MICAL2: variants seen among roughly 807,000 people sequenced by gnomAD.
MICAL2 encodes the protein [F-actin]-monooxygenase MICAL2.
A neutral mutation model predicts 127.3 loss-of-function variants in MICAL2; 77 were observed. That is an observed-to-expected ratio of 0.60 (90% CI 0.50 to 0.73). MICAL2 has a LOEUF of 0.73. Ranked by LOEUF, MICAL2 falls within the 30% of genes least tolerant of loss-of-function variation. The pLI is 0.00. For missense variants in MICAL2, 1,351 were observed against 1,434.4 expected, an observed-to-expected ratio of 0.94 and a Z score of 0.94; for synonymous variants, 570 against 551.1, an observed-to-expected ratio of 1.03 and a Z score of -0.48.
At chr11:12,121,585 AAG>A (rs146891148) in intron 1 of MICAL2, 8,056 of 152,342 alleles carry the variant, frequency 0.053, 276 homozygotes, top group South Asian at 0.098. Flanking sequence ...TCTCTAGTTG[AAG>A]AGAGAGTTTG....
At position 12,206,126 on chromosome 11, in the gene MICAL2, G is replaced by A. The variant is rs114811344; in HGVS notation, c.472+1669G>A. Among the ~76,000 whole-genome samples the A allele has an allele frequency of 4.2e-3, 632 of 152,284 alleles. 4 individuals are homozygous for A. The highest frequency in any genetic ancestry group is 0.015 in the African/African-American group (604 of 41,550). On this transcript the variant is annotated intron_variant, in intron 4 of 27. Coordinates refer to ENST00000683283, the MANE Select transcript of MICAL2 (RefSeq NM_001282663.2). Reference sequence around the variant, plus strand: ...GCTGCAGTGTCAGCTTTCAAGATGTGCTCTCCCGCCTATGGAAGAATGTAT... The same window carrying A: ...GCTGCAGTGTCAGCTTTCAAGATGTACTCTCCCGCCTATGGAAGAATGTAT...
intron 11 of MICAL2, 78 bp from the exon 12 acceptor site, chr11:12,223,325 TGAATTGGG>T (rs1565193859): frequency 8.4e-7 from 1 of 1,186,882 alleles, no homozygotes; most frequent in African/African-American, 1.5e-5. Flanking sequence ...TGGCAGGCAC[TGAATTGGG>T]GGTGGGTCGA....
In MICAL2 at chr11:12,255,981, C is replaced by T. The variant is rs73420323; in HGVS notation, c.2955+231C>T. The T allele has an allele frequency of 4.2e-3, 1,998 of 478,230 alleles. 32 individuals carry two copies. Among genetic ancestry groups the T allele is most frequent in the African/African-American group, 0.034 (1,771 of 52,314 alleles). The allele number at this position is 478,230 out of a possible 1,614,324, so 29.6% of individuals were successfully genotyped here. ...GGTCTTTTTGAAAATAGAGATCTTCCTGCTCTCTGTGGCTTTGGAGAACGG... is the reference window on the plus strand; with the variant it reads ...GGTCTTTTTGAAAATAGAGATCTTCTTGCTCTCTGTGGCTTTGGAGAACGG... On this transcript the variant is annotated intron_variant, in intron 23 of 27. Coordinates refer to ENST00000683283, the MANE Select transcript of MICAL2 (RefSeq NM_001282663.2).
chr11:12,219,917 C>T (rs1049990034), intron 8 of MICAL2, among the ~76,000 whole-genome samples: 4 of 152,226 alleles, frequency 2.6e-5, no homozygotes, highest in Non-Finnish European at 2.9e-5. Flanking sequence ...GGAATTTCTA[C>T]GCTTCCTTCT....
At chr11:12,355,026 C>A (rs1939109851) in intron 34 of MICAL2, among the ~76,000 whole-genome samples, 1 of 152,234 alleles carries the variant, frequency 6.6e-6, no homozygotes, top group African/African-American at 2.4e-5. Flanking sequence ...CCCATTTAGC[C>A]TCATTCACTT....
chr11:12,358,284 T>G, intron 34 of MICAL2: 1 of 1,611,344 alleles, frequency 6.2e-7, no homozygotes. Context: ...GGTTTTCTTT[T>G]TTTTCTTTAG....
intron 3 of MICAL2, among the ~76,000 whole-genome samples, chr11:12,175,453 G>A (rs1856732055): frequency 6.6e-6 from 1 of 152,134 alleles, no homozygotes; most frequent in Non-Finnish European, 1.5e-5. Flanking sequence ...TCCAGCCCGG[G>A]CAACAGAGCA....
intron 31 of MICAL2, among the ~76,000 whole-genome samples, chr11:12,325,813 A>G (rs888449551): frequency 6.6e-6 from 1 of 152,238 alleles, no homozygotes; most frequent in African/African-American, 2.4e-5. Context: ...TTGGGGTGGG[A>G]CACAATTTAG....
intron 11 of MICAL2, 90 bp from the exon 12 acceptor site, chr11:12,223,321 G>C: frequency 4.5e-6 from 5 of 1,101,434 alleles, no homozygotes; most frequent in Non-Finnish European, 6.9e-6. Flanking sequence ...ATGGTGGCAG[G>C]CACTGAATTG....
intron 3 of MICAL2, among the ~76,000 whole-genome samples, chr11:12,176,814 CT>C (rs1856893101): frequency 6.6e-6 from 1 of 152,148 alleles, no homozygotes; most frequent in Non-Finnish European, 1.5e-5. Context: ...GAATTTCCTT[CT>C]TTTTTATGGC....
intron 33 of MICAL2, among the ~76,000 whole-genome samples, chr11:12,350,394 C>T (rs1465888209): frequency 6.6e-6 from 1 of 152,194 alleles, no homozygotes; most frequent in African/African-American, 2.4e-5. Flanking sequence ...AATGCAGTTG[C>T]AGCCTCGTTG....
Position 12,196,308 on chromosome 11 carries a change from A to C in MICAL2, c.265-7942A>C, listed in dbSNP as rs952352982. The C allele has an allele frequency of 3.9e-5, 6 of 152,644 alleles. 1 individual carries two copies. The East Asian group carries it at 5.8e-4, about 15-fold the overall frequency. The allele number at this position is 152,644 out of a possible 1,614,324, so 9.5% of individuals were successfully genotyped here. ...TGATGGGGGAGAAGCAGGTTTTTGC[A>C]GGGAGGGAATAAGAGTTCAGTTGTA... is the stretch of plus-strand genomic sequence containing the variant. On this transcript the variant is annotated intron_variant, in intron 3 of 27. Transcript: ENST00000683283.
downstream of MICAL2, among the ~76,000 whole-genome samples, chr11:12,264,806 ATG>A (rs377252699): frequency 1.3e-5 from 2 of 152,108 alleles, no homozygotes; most frequent in African/African-American, 4.8e-5. Context: ...TCATTCCTTT[ATG>A]CATTCATTTA....
chr11:12,155,469 T>C (rs1854075164), intron 2 of MICAL2, among the ~76,000 whole-genome samples: 1 of 152,102 alleles, frequency 6.6e-6, no homozygotes, highest in Non-Finnish European at 1.5e-5. Context: ...CACATACATG[T>C]ACACATGTAT....
intron 3 of MICAL2, among the ~76,000 whole-genome samples, chr11:12,196,839 C>T (rs957551533): frequency 3.3e-5 from 5 of 152,138 alleles, no homozygotes; most frequent in Admixed American, 3.3e-4. Context: ...CTGGTTTCAC[C>T]TTCCCCACCA....
chr11:12,194,978 TG>T (rs1365165520), intron 3 of MICAL2, among the ~76,000 whole-genome samples: 1 of 152,232 alleles, frequency 6.6e-6, no homozygotes, highest in Non-Finnish European at 1.5e-5. Flanking sequence ...ACCTTAAACC[TG>T]GGCCAGACAC....
chr11:12,324,317 G>C (rs1273085223), intron 31 of MICAL2, among the ~76,000 whole-genome samples: 2 of 152,158 alleles, frequency 1.3e-5, no homozygotes, highest in African/African-American at 4.8e-5. Context: ...TCCATCTGCA[G>C]ACATGTGAGG....
At chr11:12,214,726 C>T (rs778638898) in intron 7 of MICAL2, among the ~76,000 whole-genome samples, 6 of 152,134 alleles carry the variant, frequency 3.9e-5, no homozygotes, top group Non-Finnish European at 8.8e-5. Flanking sequence ...CAGCCATGTC[C>T]ATTTCTTTAC....
chr11:12,188,770 A>G (rs1252265358), intron 3 of MICAL2, among the ~76,000 whole-genome samples: 1 of 152,124 alleles, frequency 6.6e-6, no homozygotes, highest in Non-Finnish European at 1.5e-5. Flanking sequence ...AAATGGACGC[A>G]ATGATACCTA....
Sources: gnomAD v4.1 joint callset for allele counts (sites outside exome capture counted in the v4.1 genomes callset) on GRCh38, gnomAD v4.1.1 for gene constraint, MANE v1.5 for transcripts, NCBI Gene and HGNC (gene_info 2026-07-23, HGNC 2026-07-21) for gene names.